Variants in MKLN1 observed in about 807,000 individuals in gnomAD.
The protein encoded by MKLN1 is muskelin.
In MKLN1, 18 loss-of-function variants were observed where a neutral mutation model predicts 99.0. The ratio of observed to expected loss-of-function variants is 0.18; its 90% CI spans 0.13 to 0.27. The LOEUF is 0.27. Among genes scored for constraint, MKLN1 ranks in the 10% least tolerant of loss-of-function variants. The pLI, the probability that MKLN1 is intolerant of heterozygous loss-of-function variation, is 1.00. For synonymous variants in MKLN1, 288 were observed against 293.2 expected (o/e 0.98, Z 0.18); for missense variants, 621 against 875.9 (o/e 0.71, Z 3.67).
intron 17 of MKLN1, among the ~76,000 whole-genome samples, chr7:131,483,363 C>G (rs1301155797): frequency 1.3e-5 from 2 of 152,196 alleles, no homozygotes. Flanking sequence ...CATCTTTACA[C>G]ACACACAACC....
At chr7:131,333,398 A>G (rs1203136321) in intron 1 of MKLN1, among the ~76,000 whole-genome samples, 1 of 152,196 alleles carries the variant, frequency 6.6e-6, no homozygotes, top group Non-Finnish European at 1.5e-5. Flanking sequence ...GATACATTAT[A>G]TTCCATGTAA....
intron 2 of MKLN1, among the ~76,000 whole-genome samples, chr7:131,194,784 T>A (rs1796617542): frequency 1.3e-5 from 2 of 152,210 alleles, no homozygotes; most frequent in Non-Finnish European, 2.9e-5. Context: ...CCAGGCAAAC[T>A]CTTTTGAAGA....
chr7:131,257,105 A>G (rs1797668492), intron 3 of MKLN1, among the ~76,000 whole-genome samples: 1 of 152,210 alleles, frequency 6.6e-6, no homozygotes, highest in African/African-American at 2.4e-5. Flanking sequence ...TTGTAACAAC[A>G]CTGTAGACTA....
At chr7:131,142,883 C>G (rs372679670) in exon 2 of MKLN1, 4 of 1,302,900 alleles carry the variant, frequency 3.1e-6, no homozygotes, top group Non-Finnish European at 4.1e-6. Context: ...CCTCCTGACT[C>G]CATAAACTAT....
At chr7:131,311,731 C>CA (rs1366200752) in intron 3 of MKLN1, among the ~76,000 whole-genome samples, 1 of 152,066 alleles carries the variant, frequency 6.6e-6, no homozygotes, top group Non-Finnish European at 1.5e-5. Context: ...TTGCAAAAAG[C>CA]AAAACCCTTT....
intron 3 of MKLN1, among the ~76,000 whole-genome samples, chr7:131,312,009 G>GT (rs869283041): frequency 6.0e-5 from 9 of 149,168 alleles, no homozygotes; most frequent in Non-Finnish European, 1.2e-4. Flanking sequence ...ATTTTTTTTT[G>GT]TTTTTTGTTT....
intron 2 of MKLN1, among the ~76,000 whole-genome samples, chr7:131,143,312 C>T (rs530412473): frequency 6.6e-6 from 1 of 151,898 alleles, no homozygotes; most frequent in African/African-American, 2.4e-5. Flanking sequence ...ACTAAAAATA[C>T]AAAAAATTGC....
At chr7:131,177,383 G>A (rs1363007614) in intron 2 of MKLN1, among the ~76,000 whole-genome samples, 2 of 10,640 alleles carry the variant, frequency 1.9e-4, no homozygotes, top group East Asian at 2.6e-3. Context: ...CAGAAGAATC[G>A]CTTGAACCTG....
intron 3 of MKLN1, among the ~76,000 whole-genome samples, chr7:131,203,482 G>A (rs1002037553): frequency 2.6e-5 from 4 of 152,128 alleles, no homozygotes; most frequent in Non-Finnish European, 4.4e-5. Context: ...TGACTTCTCA[G>A]GAAAGGAGGG....
At chr7:131,468,182 G>A (rs1213007193) in intron 15 of MKLN1, among the ~76,000 whole-genome samples, 1 of 152,228 alleles carries the variant, frequency 6.6e-6, no homozygotes, top group Admixed American at 6.5e-5. Context: ...ATATGGGTAT[G>A]AGAGAAAGAA....
At chr7:131,184,272 G>A (rs11975964) in intron 2 of MKLN1, among the ~76,000 whole-genome samples, 14,856 of 152,044 alleles carry the variant, frequency 0.098, 859 homozygotes, top group South Asian at 0.17. Context: ...CTATAGGTGT[G>A]CACCACTGTG....
chr7:131,192,810 G>A (rs1281802327), intron 2 of MKLN1, among the ~76,000 whole-genome samples: 2 of 152,022 alleles, frequency 1.3e-5, no homozygotes, highest in Non-Finnish European at 2.9e-5. Context: ...AAAGTGCTGA[G>A]ATTACAGGCA....
At chr7:131,425,983 G>A (rs1020523994) in intron 8 of MKLN1, among the ~76,000 whole-genome samples, 8 of 151,920 alleles carry the variant, frequency 5.3e-5, no homozygotes, top group African/African-American at 4.8e-5. Context: ...TTTTTGTTAC[G>A]CATTTTCATT....
intron 3 of MKLN1, among the ~76,000 whole-genome samples, chr7:131,230,280 T>G (rs536813487): frequency 6.6e-6 from 1 of 152,288 alleles, no homozygotes; most frequent in South Asian, 2.1e-4. Flanking sequence ...GTGTCCCACC[T>G]CCCTTCTCAT....
At chr7:131,169,277 A>G (rs16873924) in intron 2 of MKLN1, among the ~76,000 whole-genome samples, 23,483 of 152,276 alleles carry the variant, frequency 0.15, 2,529 homozygotes, top group East Asian at 0.48. Flanking sequence ...AACTTATTAT[A>G]TAGGCATTGC....
intron 2 of MKLN1, among the ~76,000 whole-genome samples, chr7:131,192,914 T>TTAC (rs1796589339): frequency 6.6e-6 from 1 of 152,142 alleles, no homozygotes; most frequent in African/African-American, 2.4e-5. Flanking sequence ...GGATGGGTGG[T>TTAC]TACTACTACC....
intron 3 of MKLN1, among the ~76,000 whole-genome samples, chr7:131,289,991 A>T (rs1240686082): frequency 6.6e-6 from 1 of 152,194 alleles, no homozygotes; most frequent in Non-Finnish European, 1.5e-5. Flanking sequence ...TGTCTTTTAA[A>T]TGATGACAAT....
At chr7:131,145,331 C>G (rs1202986491) in intron 2 of MKLN1, among the ~76,000 whole-genome samples, 1 of 152,134 alleles carries the variant, frequency 6.6e-6, no homozygotes, top group Non-Finnish European at 1.5e-5. Flanking sequence ...CAGCTACACA[C>G]GGCACGAAGA....
chr7:131,480,482 A>AT (rs1321246809), intron 17 of MKLN1, among the ~76,000 whole-genome samples: 1 of 152,162 alleles, frequency 6.6e-6, no homozygotes, highest in East Asian at 1.9e-4. Flanking sequence ...ATAGCGAGTG[A>AT]TTGAGGCTTC....
Sources: allele counts gnomAD v4.1 joint callset (sites outside exome capture counted in the v4.1 genomes callset), GRCh38; gene constraint gnomAD v4.1.1; transcripts MANE v1.5; gene names NCBI Gene and HGNC (gene_info 2026-07-23, HGNC 2026-07-21).